Variants in AJAP1 observed in about 807,000 individuals in gnomAD.
AJAP1 encodes adherens junction-associated protein 1.
AJAP1 carries 5 observed loss-of-function variants against 35.0 expected under a neutral mutation model. That is an observed-to-expected ratio of 0.14 (90% confidence interval 0.07 to 0.30). The LOEUF (loss-of-function observed/expected upper bound fraction) is 0.30, where lower values mean the gene tolerates loss of function less well. Ranked by LOEUF, AJAP1 falls within the 10% of genes least tolerant of loss-of-function variation. The pLI is 1.00. For missense variants in AJAP1, 586 were observed against 571.0 expected (o/e 1.03, Z -0.27); for synonymous variants, 284 against 249.3 (o/e 1.14, Z -1.31).
chr1:4,657,836 C>T (rs116648062), intron 1 of AJAP1, among the ~76,000 whole-genome samples: 4,862 of 151,908 alleles, frequency 0.032, 240 homozygotes, highest in African/African-American at 0.11. Flanking sequence ...TTCTTTTCCC[C>T]CCAAGAGGGA....
At chr1:4,716,816 A>C (rs1303724347) in intron 2 of AJAP1, among the ~76,000 whole-genome samples, 1 of 151,922 alleles carries the variant, frequency 6.6e-6, no homozygotes, top group South Asian at 2.1e-4. Context: ...CCATTGTGCT[A>C]ATTTGCTGCC....
chr1:4,663,916 C>G (rs1195737219), intron 1 of AJAP1, among the ~76,000 whole-genome samples: 1 of 152,146 alleles, frequency 6.6e-6, no homozygotes, highest in African/African-American at 2.4e-5. Flanking sequence ...TTCGGGAGGC[C>G]TGGGTGCGGG....
intron 5 of AJAP1, among the ~76,000 whole-genome samples, chr1:4,779,941 T>C (rs1352908849): frequency 6.6e-6 from 1 of 151,756 alleles, no homozygotes; most frequent in Non-Finnish European, 1.5e-5. Context: ...AGTCAGGAGT[T>C]TGAGACCAGT....
rs762738836 is a variant in AJAP1, at chr1:4,712,143, G to T, written c.273G>T (p.Gly91=). 12 of 1,560,304 alleles carry T rather than the reference G, an allele frequency of 7.7e-6. No homozygotes were observed. Among genetic ancestry groups the T allele is most frequent in the Non-Finnish European group, 1.0e-5 (12 of 1,159,600 alleles). ...CGCCCCGAGTGGAGCGGATCCACGG[G>T]CAGATGCAGATGCCTCGAGCCAGAC... ...PRPPRVERIH[G]QMQMPRARRA... Residue 91 remains glycine (G), a synonymous_variant, in exon 2 of 6, where the codon GGG becomes GGT. Coordinates refer to ENST00000378191, the MANE Select transcript of AJAP1 (RefSeq NM_018836.4).
intron 1 of AJAP1, among the ~76,000 whole-genome samples, chr1:4,683,705 G>T: frequency 6.6e-6 from 1 of 152,198 alleles, no homozygotes; most frequent in East Asian, 1.9e-4. Flanking sequence ...CTGAAAACAA[G>T]CTGTCACAGC....
rs5772183 is a variant in AJAP1 at position 4,792,520 on chromosome 1, GAAAA to G, written c.*10046_*10049del. On this transcript the variant is annotated 3_prime_UTR_variant, in exon 6 of 6. Coordinates refer to ENST00000378191, the MANE Select transcript of AJAP1 (RefSeq NM_018836.4). ...GCTATTAAAAAAAAAAACATAATATGAAAAAAAAAAAAAAGAAGAGAAAAAAGAA... is the reference window on the plus strand; with the variant it reads ...GCTATTAAAAAAAAAAACATAATATGAAAAAAAAAAGAAGAGAAAAAAGAA... 7.7e-6 allele frequency: 1 copy of G among 129,854 alleles called. No individual in the cohort carries two copies. Among genetic ancestry groups the G allele is most frequent in the Non-Finnish European group, 1.6e-5 (1 of 62,712 alleles). 8.0% of individuals were successfully genotyped at this position (129,854 alleles called of 1,614,324 possible). A position where few individuals can be genotyped will look rare whatever the true frequency, so the allele number is the denominator to read the frequency against.
In AJAP1 at chr1:4,786,669, T is replaced by C. The variant is rs11584490; in HGVS notation, c.*4184T>C. The C allele has an allele frequency of 0.062, 9,486 of 152,236 alleles. 358 individuals are homozygous for C. Among genetic ancestry groups the C allele is most frequent in the Middle Eastern group, 0.2 (58 of 294 alleles). 9.4% of individuals were successfully genotyped at this position (152,236 alleles called of 1,614,324 possible). ...GCCCATGGAGAGGTATTTTACCCTTTTGCTTCTTTGCTCAGGTGGTCCAGG... is the reference window on the plus strand; with the variant it reads ...GCCCATGGAGAGGTATTTTACCCTTCTGCTTCTTTGCTCAGGTGGTCCAGG... On this transcript the variant is annotated 3_prime_UTR_variant, in exon 6 of 6. Coordinates refer to ENST00000378191, the MANE Select transcript of AJAP1 (RefSeq NM_018836.4).
chr1:4,766,306 A>G (rs1018662402), intron 2 of AJAP1, among the ~76,000 whole-genome samples: 1 of 152,182 alleles, frequency 6.6e-6, no homozygotes, highest in Non-Finnish European at 1.5e-5. Flanking sequence ...GTCCTTTAAG[A>G]AAAGGTTTGT....
intron 2 of AJAP1, among the ~76,000 whole-genome samples, chr1:4,718,490 CTTT>C (rs572430674): frequency 1.4e-5 from 2 of 141,892 alleles, no homozygotes; most frequent in Non-Finnish European, 1.5e-5. Context: ...TCTTTCTTTC[CTTT>C]TTTTTTTTTT....
intron 1 of AJAP1, among the ~76,000 whole-genome samples, chr1:4,658,377 G>A (rs1306709408): frequency 6.6e-6 from 1 of 152,204 alleles, no homozygotes; most frequent in African/African-American, 2.4e-5. Context: ...GGGCCTCATG[G>A]CAGGGATCCA....
At chr1:4,707,307 C>G (rs939730318) in intron 1 of AJAP1, among the ~76,000 whole-genome samples, 1 of 152,194 alleles carries the variant, frequency 6.6e-6, no homozygotes, top group African/African-American at 2.4e-5. Context: ...CAAAACTCAC[C>G]TATTACAAAT....
chr1:4,741,358 C>T (rs990458612), intron 2 of AJAP1, among the ~76,000 whole-genome samples: 1 of 152,066 alleles, frequency 6.6e-6, no homozygotes, highest in Non-Finnish European at 1.5e-5. Context: ...AGGGGAGGAC[C>T]CTTCCCGGCC....
chr1:4,666,440 G>A (rs904953833), intron 1 of AJAP1, among the ~76,000 whole-genome samples: 2 of 152,314 alleles, frequency 1.3e-5, no homozygotes, highest in South Asian at 2.1e-4. Flanking sequence ...GCCCGTGTGC[G>A]TTCAAGGGGA....
At chr1:4,781,445 G>A (rs1490998903) in intron 5 of AJAP1, among the ~76,000 whole-genome samples, 1 of 152,200 alleles carries the variant, frequency 6.6e-6, no homozygotes, top group African/African-American at 2.4e-5. Flanking sequence ...AAGCTCCAAC[G>A]ATGACGATGA....
rs1392892528 is a variant in AJAP1 at position 4,784,337 on chromosome 1, T to C, written c.*1852T>C. ...TGTCCATGGGAGACGCCTAACATGG[T>C]GTGGGTCCCTGTCTCCAAAGACTAT... On this transcript the variant is annotated 3_prime_UTR_variant, in exon 6 of 6. Transcript: ENST00000378191. The C allele has an allele frequency of 6.6e-6, 1 of 152,224 alleles. No individual in the cohort carries two copies. The highest frequency in any genetic ancestry group is 2.4e-5 in the African/African-American group (1 of 41,460). The allele number at this position is 152,224 out of a possible 1,614,324, so 9.4% of individuals were successfully genotyped here.
At chr1:4,685,634 G>C (rs902945767) in intron 1 of AJAP1, among the ~76,000 whole-genome samples, 21 of 132,868 alleles carry the variant, frequency 1.6e-4, no homozygotes, top group Non-Finnish European at 3.0e-4. Context: ...GGAGCTCATT[G>C]CCGGGACCCA....
chr1:4,709,053 T>C (rs916560084), intron 1 of AJAP1, among the ~76,000 whole-genome samples: 1 of 152,238 alleles, frequency 6.6e-6, no homozygotes, highest in African/African-American at 2.4e-5. Context: ...ATTACAGCCA[T>C]GATTGGTGAA....
intron 2 of AJAP1, among the ~76,000 whole-genome samples, chr1:4,722,772 A>G (rs1196321618): frequency 1.3e-5 from 2 of 152,124 alleles, no homozygotes; most frequent in African/African-American, 4.8e-5. Flanking sequence ...TTCTAAGGAC[A>G]CTTGTCATTG....
intron 5 of AJAP1, chr1:4,777,344 A>C (rs1012628021): frequency 6.6e-6 from 1 of 152,230 alleles, no homozygotes; most frequent in Non-Finnish European, 1.5e-5. Context: ...CTTTCTTCTC[A>C]GTCTAATCCG....
Sources: allele counts gnomAD v4.1 joint callset (sites outside exome capture counted in the v4.1 genomes callset), GRCh38; gene constraint gnomAD v4.1.1; transcripts MANE v1.5; gene names NCBI Gene and HGNC (gene_info 2026-07-23, HGNC 2026-07-21).